Variants in LRP5 observed in about 807,000 individuals in gnomAD.
LRP5 encodes low-density lipoprotein receptor-related protein 5.
A neutral mutation model predicts 154.1 loss-of-function variants in LRP5; 62 were observed. The ratio of observed to expected loss-of-function variants is 0.40; its 90% CI spans 0.33 to 0.50. LRP5 has a LOEUF of 0.50. Ranked by LOEUF, LRP5 falls within the 20% of genes least tolerant of loss-of-function variation. The pLI, the probability that LRP5 is intolerant of heterozygous loss-of-function variation, is 0.55. For synonymous variants in LRP5, 966 were observed against 1,011.5 expected (o/e 0.96, Z 0.85); for missense variants, 1,915 against 2,336.7 (o/e 0.82, Z 3.72).
chr11:68,399,158 T>C (rs1438937976), intron 7 of LRP5, among the ~76,000 whole-genome samples: 1 of 152,026 alleles, frequency 6.6e-6, no homozygotes, highest in African/African-American at 2.4e-5. Context: ...ACTATGATCA[T>C]GTCATTGCAT....
chr11:68,448,795 T>C lies in LRP5; in HGVS notation c.4587-14T>C. On this transcript the variant is annotated splice_polypyrimidine_tract_variant and intron_variant, in intron 22 of 22. Coordinates refer to ENST00000294304, the MANE Select transcript of LRP5 (RefSeq NM_002335.4). ...GCCTACCGAATCCCACTCCTCTGTG[T>C]GTGTCCCTTTCAGGCCCTACATCAT... 1 of 1,602,692 alleles carries C rather than the reference T, an allele frequency of 6.2e-7. No homozygotes were observed. The highest frequency in any genetic ancestry group is 8.5e-7 in the Non-Finnish European group (1 of 1,179,966).
chr11:68,348,486 GGGGGGGTTGGCTC>G (rs2098615506), intron 2 of LRP5, among the ~76,000 whole-genome samples: 1 of 139,672 alleles, frequency 7.2e-6, no homozygotes, highest in African/African-American at 2.7e-5. Flanking sequence ...ATGAACCCGT[GGGGGGGTTGGCTC>G]AGGCCTGTAA....
At chr11:68,416,197 C>A (rs1466729430) in intron 12 of LRP5, 131 bp from the exon 13 acceptor site, 2 of 763,304 alleles carry the variant, frequency 2.6e-6, no homozygotes, top group Non-Finnish European at 4.7e-6. Context: ...CCCTGGTCCC[C>A]CCGTCTTTCC....
intron 7 of LRP5, among the ~76,000 whole-genome samples, chr11:68,393,225 G>C (rs566386391): frequency 1.3e-5 from 2 of 152,276 alleles, no homozygotes; most frequent in East Asian, 1.9e-4. Context: ...TTTATCGGGT[G>C]GTGGGCAGTG....
chr11:68,445,549 A>G, intron 21 of LRP5: 1 of 1,273,368 alleles, frequency 7.9e-7, no homozygotes, highest in Non-Finnish European at 1.0e-6. Context: ...CATAACTGAC[A>G]GTTCTGTTCC....
chr11:68,426,985 C>T (rs1421502889), intron 16 of LRP5, among the ~76,000 whole-genome samples: 2 of 152,224 alleles, frequency 1.3e-5, no homozygotes, highest in Non-Finnish European at 2.9e-5. Context: ...CCCCGTGGCC[C>T]TCTCTGCCTC....
rs2098642964 is a variant in LRP5 at position 68,386,293 on chromosome 11, C to T, written c.1016-23C>T. 1 of 1,609,216 alleles carries T rather than the reference C, an allele frequency of 6.2e-7. No individual in the cohort carries two copies. The highest frequency in any genetic ancestry group is 1.3e-5 in the African/African-American group (1 of 75,042). ...CCTGCTGCAGGCCCTTGACCCCTGACCCCATTGCACCTGTCTCCACAGGAG... is the reference window on the plus strand; with the variant it reads ...CCTGCTGCAGGCCCTTGACCCCTGATCCCATTGCACCTGTCTCCACAGGAG... On this transcript the variant is annotated intron_variant, in intron 5 of 22. Transcript: ENST00000294304. The surrounding 1 kb of genome is among the most constrained non-coding windows in gnomAD (Gnocchi z 7.9).
In LRP5 at chr11:68,413,326, C is replaced by T; in HGVS notation, c.2504-363C>T. 1 of 414,526 alleles carries T rather than the reference C, an allele frequency of 2.4e-6. No homozygotes were observed. The highest frequency in any genetic ancestry group is 4.5e-6 in the Non-Finnish European group (1 of 221,738). The allele number at this position is 414,526 out of a possible 1,614,324, so 25.7% of individuals were successfully genotyped here. A position where few individuals can be genotyped will look rare whatever the true frequency, so the allele number is the denominator to read the frequency against. On this transcript the variant is annotated intron_variant, in intron 11 of 22. Transcript: ENST00000294304. The surrounding 1 kb of genome is among the most constrained non-coding windows in gnomAD (Gnocchi z 5.1). ...TCGGTACGTGTTTTGGACTTAAACG[C>T]TCCGGATGTTTACTGAGTGCTTGAT... is the stretch of plus-strand genomic sequence containing the variant.
intron 7 of LRP5, among the ~76,000 whole-genome samples, chr11:68,395,319 GAT>G (rs1426395616): frequency 7.6e-6 from 1 of 131,920 alleles, no homozygotes; most frequent in Non-Finnish European, 1.6e-5. Flanking sequence ...AAAAAAAAAA[GAT>G]AAAAAGACCA....
At chr11:68,364,399 T>C (rs1235921661) in intron 4 of LRP5, among the ~76,000 whole-genome samples, 1 of 151,646 alleles carries the variant, frequency 6.6e-6, no homozygotes, top group African/African-American at 2.4e-5. Flanking sequence ...TATGTATTTT[T>C]AATAGAGATG....
At chr11:68,421,070 C>CAAAAA (rs2098665304) in intron 13 of LRP5, among the ~76,000 whole-genome samples, 1 of 151,776 alleles carries the variant, frequency 6.6e-6, no homozygotes, top group Non-Finnish European at 1.5e-5. Context: ...ACTAAAAATA[C>CAAAAA]CAAAAAACTA....
At position 68,410,079 on chromosome 11, in the gene LRP5, C is replaced by A; in HGVS notation, c.2257C>A (p.Gln753Lys). ...EVARLDGQFR[Q>K]VLVWRDLDNP... ...GGCGCGGCTGGACGGGCAGTTCCGG[C>A]AAGTCCTCGTGTGGAGGGACTTGGA... Residue 753 changes from glutamine to lysine, a missense_variant, in exon 10 of 23, where the codon CAA (glutamine) becomes AAA (lysine). By Grantham distance (53) the Gln-to-Lys change is moderately conservative. Transcript: ENST00000294304. The A allele has an allele frequency of 6.2e-7, 1 of 1,614,028 alleles. No homozygotes were observed.
chr11:68,406,867 CTG>C, intron 9 of LRP5, 54 bp downstream of exon 9: 2 of 1,568,056 alleles, frequency 1.3e-6, no homozygotes, highest in Non-Finnish European at 1.7e-6. Context: ...AACCTTGCCT[CTG>C]TTCCTGCCTC....
intron 2 of LRP5, among the ~76,000 whole-genome samples, chr11:68,350,997 T>C (rs1029069756): frequency 2.0e-5 from 3 of 152,136 alleles, no homozygotes; most frequent in Non-Finnish European, 4.4e-5. Context: ...TGTGTGTGTA[T>C]GAGTGTGCGC....
upstream of LRP5, among the ~76,000 whole-genome samples, chr11:68,308,170 C>T (rs185651382): frequency 6.6e-6 from 1 of 152,376 alleles, no homozygotes; most frequent in East Asian, 1.9e-4. Flanking sequence ...TCACTGGGGC[C>T]TCCTCCGGCG....
At chr11:68,335,639 C>G (rs1470778626) in intron 1 of LRP5, among the ~76,000 whole-genome samples, 1 of 152,088 alleles carries the variant, frequency 6.6e-6, no homozygotes, top group Non-Finnish European at 1.5e-5. Flanking sequence ...ATAACTCATA[C>G]CTGAATAAAG....
intron 1 of LRP5, among the ~76,000 whole-genome samples, chr11:68,337,328 T>C (rs2098606272): frequency 6.6e-6 from 1 of 152,008 alleles, no homozygotes; most frequent in African/African-American, 2.4e-5. Context: ...TGTGAGGAGG[T>C]GTGCAGGGTA....
chr11:68,403,873 C>A (rs1461933863), intron 8 of LRP5, 174 bp downstream of exon 8: 2 of 690,194 alleles, frequency 2.9e-6, no homozygotes, highest in African/African-American at 3.6e-5. Flanking sequence ...ACCAAGGGAG[C>A]TGATTAGGGA....
chr11:68,351,821 C>T (rs1463554733), intron 2 of LRP5, among the ~76,000 whole-genome samples: 1 of 152,172 alleles, frequency 6.6e-6, no homozygotes, highest in East Asian at 1.9e-4. Flanking sequence ...CGTCGGAGCT[C>T]AGGTGCTGGG....
Sources: allele counts gnomAD v4.1 joint callset (sites outside exome capture counted in the v4.1 genomes callset), GRCh38; gene constraint gnomAD v4.1.1; non-coding constraint Gnocchi (gnomAD v3.1); transcripts MANE v1.5; gene names NCBI Gene and HGNC (gene_info 2026-07-23, HGNC 2026-07-21).